RNF152: variants seen among roughly 807,000 people sequenced by gnomAD.
The protein encoded by RNF152 is ring finger protein 152.
A neutral mutation model predicts 12.7 loss-of-function variants in RNF152; 11 were observed. The ratio of observed to expected loss-of-function variants is 0.86; its 90% CI spans 0.54 to 1.43. The LOEUF (loss-of-function observed/expected upper bound fraction) is 1.43, where lower values mean the gene tolerates loss of function less well. Ranked by LOEUF, RNF152 falls within the 40% of genes most tolerant of loss-of-function variation. The probability of loss-of-function intolerance (pLI) is 0.00; values close to 1 mark genes in which losing one functional copy is unlikely to be tolerated. For missense variants in RNF152, 255 were observed against 274.8 expected (o/e 0.93, Z 0.51); for synonymous variants, 113 against 120.3 (o/e 0.94, Z 0.40).
rs149411236 is a variant in RNF152, at chr18:61,824,141, G to A, written c.-135-7543C>T. ...AAGCCACATGTCAGTATTGCAGTGA[G>A]TGATGATAACTACTGGTTTTTGTTT... On this transcript the variant is annotated intron_variant, in intron 1 of 1. Transcript: ENST00000312828. Among the ~76,000 whole-genome samples, 706 of 152,320 alleles carry A rather than the reference G, an allele frequency of 4.6e-3. 6 individuals carry two copies. The highest frequency in any genetic ancestry group is 0.016 in the African/African-American group (670 of 41,568).
At chr18:61,830,783 C>G (rs1909905933) in intron 1 of RNF152, among the ~76,000 whole-genome samples, 2 of 151,948 alleles carry the variant, frequency 1.3e-5, no homozygotes, top group Non-Finnish European at 2.9e-5. Context: ...GAAAAGATCC[C>G]TGATTTCTCA....
chr18:61,884,295 C>T (rs573594113), intron 1 of RNF152, among the ~76,000 whole-genome samples: 1 of 152,192 alleles, frequency 6.6e-6, no homozygotes, highest in African/African-American at 2.4e-5. Context: ...AAATTTAAAC[C>T]CAAACCCATC....
At chr18:61,829,003 G>C (rs1480153733) in intron 1 of RNF152, among the ~76,000 whole-genome samples, 8 of 152,306 alleles carry the variant, frequency 5.3e-5, no homozygotes, top group African/African-American at 1.9e-4. Context: ...TCAATGTCAA[G>C]GGTGAGGACT....
At chr18:61,828,452 TC>T (rs1393716840) in intron 1 of RNF152, among the ~76,000 whole-genome samples, 2 of 152,144 alleles carry the variant, frequency 1.3e-5, no homozygotes, top group African/African-American at 4.8e-5. Flanking sequence ...AGAGACGGGA[TC>T]TTGCCATGTT....
At chr18:61,853,380 C>T (rs1911074076) in intron 1 of RNF152, among the ~76,000 whole-genome samples, 1 of 151,324 alleles carries the variant, frequency 6.6e-6, no homozygotes, top group Non-Finnish European at 1.5e-5. Context: ...ACCTCTGCCT[C>T]CCAGGTTCAA....
intron 1 of RNF152, among the ~76,000 whole-genome samples, chr18:61,876,278 C>T (rs1054922132): frequency 2.6e-5 from 4 of 152,276 alleles, no homozygotes; most frequent in East Asian, 1.9e-4. Context: ...AATTGCATCC[C>T]TTTGTACGCA....
At chr18:61,856,445 C>T (rs1911229682) in intron 1 of RNF152, among the ~76,000 whole-genome samples, 1 of 152,068 alleles carries the variant, frequency 6.6e-6, no homozygotes, top group Admixed American at 6.6e-5. Context: ...TGAGTACAGG[C>T]ACAGAAAGGA....
rs1912841115 is a variant in RNF152 at position 61,809,237 on chromosome 18, T to C, written c.*6615A>G. 1 of 152,146 alleles carries C rather than the reference T, an allele frequency of 6.6e-6. No homozygotes were observed. Among genetic ancestry groups the C allele is most frequent in the Non-Finnish European group, 1.5e-5 (1 of 68,030 alleles). The allele number at this position is 152,146 out of a possible 1,614,324, so 9.4% of individuals were successfully genotyped here. ...CCTCTCCCTCTACTTAATAGTTGCA[T>C]TGTCCCTCAACCCAGAAAATCCTAT... is the stretch of plus-strand genomic sequence containing the variant. On this transcript the variant is annotated 3_prime_UTR_variant, in exon 2 of 2. Transcript: ENST00000312828.
At chr18:61,840,123 C>T (rs1437472264) in intron 1 of RNF152, among the ~76,000 whole-genome samples, 1 of 152,056 alleles carries the variant, frequency 6.6e-6, no homozygotes, top group Non-Finnish European at 1.5e-5. Context: ...CCCAAGGGAG[C>T]TTATTTGCTC....
intron 1 of RNF152, among the ~76,000 whole-genome samples, chr18:61,868,106 G>C (rs1911821323): frequency 6.6e-6 from 1 of 152,086 alleles, no homozygotes; most frequent in Non-Finnish European, 1.5e-5. Context: ...GCTTTTCCTG[G>C]CTCCTCTCTC....
At chr18:61,865,714 G>T (rs965518589) in intron 1 of RNF152, among the ~76,000 whole-genome samples, 3 of 152,152 alleles carry the variant, frequency 2.0e-5, no homozygotes, top group Admixed American at 6.5e-5. Flanking sequence ...AGAATTTTCT[G>T]AACATTAGAG....
rs749275034 is a variant in RNF152, at chr18:61,816,098, C to A, written c.366G>T (p.Leu122=). Residue 122 remains leucine, a synonymous_variant, in exon 2 of 2, where the codon CTG becomes CTT. Coordinates refer to ENST00000312828, the MANE Select transcript of RNF152 (RefSeq NM_173557.3). ...TGACGGACTTCTGCTGGCTCCCGGGCAGCAGGCGGCAGCCCATGTCTCCGG... is the reference window on the plus strand; with the variant it reads ...TGACGGACTTCTGCTGGCTCCCGGGAAGCAGGCGGCAGCCCATGTCTCCGG... ...LLPGDMGCRL[L]PGSQQKSVTV... The A allele has an allele frequency of 6.2e-7, 1 of 1,614,172 alleles. No individual in the cohort carries two copies.
intron 1 of RNF152, among the ~76,000 whole-genome samples, chr18:61,844,215 G>A (rs1223071060): frequency 7.0e-6 from 1 of 142,300 alleles, no homozygotes; most frequent in Non-Finnish European, 1.5e-5. Context: ...GGGAAGGAGG[G>A]AGGGAAGGAG....
At chr18:61,866,554 T>C (rs75590864) in intron 1 of RNF152, among the ~76,000 whole-genome samples, 4,779 of 152,282 alleles carry the variant, frequency 0.031, 258 homozygotes, top group African/African-American at 0.11. Context: ...TACGCATCCT[T>C]TGGTGACTTG....
intron 1 of RNF152, among the ~76,000 whole-genome samples, chr18:61,863,582 G>A (rs1013989088): frequency 2.6e-5 from 4 of 152,096 alleles, no homozygotes; most frequent in African/African-American, 9.7e-5. Flanking sequence ...CATTTTCCAG[G>A]CTGGAAAAGC....
At position 61,846,464 on chromosome 18, in the gene RNF152, C is replaced by T. The variant is rs536931092; in HGVS notation, c.-135-29866G>A. On this transcript the variant is annotated intron_variant, in intron 1 of 1. Transcript: ENST00000312828. ...ATGTTGCTTCTGCTGCCAAGAGTTTCTTCTCTACCTCCCTGACCTGGACAA... is the reference window on the plus strand; with the variant it reads ...ATGTTGCTTCTGCTGCCAAGAGTTTTTTCTCTACCTCCCTGACCTGGACAA... Among the ~76,000 whole-genome samples, 6 of 152,274 alleles carry T rather than the reference C, an allele frequency of 3.9e-5. No homozygotes were observed. In the East Asian group the frequency reaches 1.2e-3, roughly 29 times the overall value.
chr18:61,855,518 C>T (rs1308979224), intron 1 of RNF152, among the ~76,000 whole-genome samples: 2 of 152,226 alleles, frequency 1.3e-5, no homozygotes, highest in South Asian at 2.1e-4. Flanking sequence ...CTGGGTGCCA[C>T]CGTGTTCTCA....
intron 1 of RNF152, among the ~76,000 whole-genome samples, chr18:61,885,887 G>A (rs9953081): frequency 2.0e-5 from 3 of 151,404 alleles, no homozygotes; most frequent in East Asian, 1.9e-4. Flanking sequence ...TGCCTGCTCC[G>A]TTAGATTGTG....
At chr18:61,827,162 A>T (rs1388249523) in intron 1 of RNF152, among the ~76,000 whole-genome samples, 2 of 152,234 alleles carry the variant, frequency 1.3e-5, no homozygotes, top group Non-Finnish European at 2.9e-5. Context: ...AACTTTGGCC[A>T]TAATTCCCGT....
Sources: gnomAD v4.1 joint callset for allele counts (sites outside exome capture counted in the v4.1 genomes callset) on GRCh38, gnomAD v4.1.1 for gene constraint, MANE v1.5 for transcripts, NCBI Gene and HGNC (gene_info 2026-07-23, HGNC 2026-07-21) for gene names.